The following USP8 variants were observed in gnomAD, a reference collection of about 807,000 sequenced individuals.
USP8 encodes the protein ubiquitin specific peptidase 8, also known as ubiquitin carboxyl-terminal hydrolase 8.
In USP8, 27 loss-of-function variants were observed where a neutral mutation model predicts 130.0. The observed-to-expected ratio is 0.21, with a 90% CI of 0.15 to 0.29. The LOEUF is 0.29. USP8 is among the 10% of genes least tolerant of loss of function. USP8 has a pLI of 1.00. For missense variants in USP8, 1,029 were observed against 1,312.2 expected, an observed-to-expected ratio of 0.78 and a Z score of 3.33; for synonymous variants, 392 against 444.1, an observed-to-expected ratio of 0.88 and a Z score of 1.48.
At position 50,459,021 on chromosome 15, in the gene USP8, G is replaced by GA. The variant is rs769447127; in HGVS notation, c.363dup (p.Leu122ThrfsTer2). ...CTAGATATGAAGAAGCTGAAGTCCG[G>GA]AAAAAACTTGAGGAAAAAGACAGGC... On this transcript the variant is annotated frameshift_variant, in exon 5 of 20. Coordinates refer to ENST00000307179, the MANE Select transcript of USP8 (RefSeq NM_005154.5). LOFTEE classifies it high-confidence loss of function. 1 of 1,613,268 alleles carries GA rather than the reference G, an allele frequency of 6.2e-7. No homozygotes were observed. The highest frequency in any genetic ancestry group is 8.5e-7 in the Non-Finnish European group (1 of 1,179,996).
In USP8 at chr15:50,424,499, C is replaced by T. The variant is rs913099692; in HGVS notation, c.-81C>T. 2.3e-5 allele frequency: 9 copies of T among 398,692 alleles called. No individual in the cohort carries two copies. The highest frequency in any genetic ancestry group is 1.4e-4 in the East Asian group (4 of 28,082). 24.7% of individuals were successfully genotyped at this position (398,692 alleles called of 1,614,324 possible). A position where few individuals can be genotyped will look rare whatever the true frequency, so the allele number is the denominator to read the frequency against. ...GGCGAGAAGGCTGGCGTTAGTGAAGCGCGCCCGGCGTCACGGTGAGTGCGG... is the reference window on the plus strand; with the variant it reads ...GGCGAGAAGGCTGGCGTTAGTGAAGTGCGCCCGGCGTCACGGTGAGTGCGG... On this transcript the variant is annotated 5_prime_UTR_variant, in exon 1 of 20. Transcript: ENST00000307179.
chr15:50,457,672 G>A (rs995911079), intron 4 of USP8, among the ~76,000 whole-genome samples: 1 of 151,370 alleles, frequency 6.6e-6, no homozygotes, highest in African/African-American at 2.4e-5. Flanking sequence ...AGACAAGCCT[G>A]GCCACATGGT....
Position 50,501,749 on chromosome 15 carries a change from G to C in USP8, c.*2661G>C, listed in dbSNP as rs2052592201. The stretch of plus-strand genomic sequence containing the variant: ...CTTCCAAGGAGGTGTTATGGTGTAT[G>C]ATAAGGGTCAGCAAACCACGGCCCG... On this transcript the variant is annotated 3_prime_UTR_variant, in exon 20 of 20. Coordinates refer to ENST00000307179, the MANE Select transcript of USP8 (RefSeq NM_005154.5). The C allele has an allele frequency of 6.6e-6, 1 of 152,116 alleles. No homozygotes were observed. Among genetic ancestry groups the C allele is most frequent in the Non-Finnish European group, 1.5e-5 (1 of 68,014 alleles). The allele number at this position is 152,116 out of a possible 1,614,324, so 9.4% of individuals were successfully genotyped here.
At chr15:50,461,154 G>A (rs909866641) in intron 5 of USP8, among the ~76,000 whole-genome samples, 9 of 152,112 alleles carry the variant, frequency 5.9e-5, no homozygotes, top group African/African-American at 1.4e-4. Context: ...CACCACGCCC[G>A]GCTAATTTTA....
chr15:50,445,357 C>T (rs941621637), intron 3 of USP8, among the ~76,000 whole-genome samples: 35 of 147,954 alleles, frequency 2.4e-4, no homozygotes, highest in African/African-American at 8.2e-4. Flanking sequence ...ACCAGCCTGG[C>T]CAACATGGTG....
At chr15:50,452,197 C>A (rs1432682687) in intron 4 of USP8, among the ~76,000 whole-genome samples, 2 of 152,198 alleles carry the variant, frequency 1.3e-5, no homozygotes, top group East Asian at 3.8e-4. Flanking sequence ...TTATTATTAT[C>A]TTTTTTCATG....
Position 50,477,328 on chromosome 15 carries a change from C to G in USP8, c.1047C>G (p.Ala349=), listed in dbSNP as rs777713245. The G allele has an allele frequency of 1.9e-6, 3 of 1,613,952 alleles. No individual in the cohort carries two copies. The highest frequency in any genetic ancestry group is 1.7e-5 in the Admixed American group (1 of 59,986). Residue 349 remains alanine, a synonymous_variant, in exon 10 of 20, where the codon GCC becomes GCG. Coordinates refer to ENST00000307179, the MANE Select transcript of USP8 (RefSeq NM_005154.5). The part of the protein sequence containing the change: ...LEESIPSKPA[A]QTPPASIEVD... ...AATCAATTCCTTCTAAACCTGCTGC[C>G]CAGACGCCACCTGCATCTATAGAAG...
At chr15:50,490,115 C>G (rs1477974108) in intron 13 of USP8, 148 bp from the exon 14 acceptor site, 6 of 968,836 alleles carry the variant, frequency 6.2e-6, no homozygotes, top group Non-Finnish European at 9.1e-6. Context: ...ACTTTAAAAC[C>G]TAAATTTCTT....
At chr15:50,467,003 C>A in intron 7 of USP8, 1 of 515,376 alleles carries the variant, frequency 1.9e-6, no homozygotes, top group South Asian at 2.5e-5. Context: ...ACAAACAACT[C>A]ATTGACTTGC....
intron 5 of USP8, 72 bp from the exon 6 acceptor site, chr15:50,462,208 G>A (rs1440869865): frequency 1.5e-6 from 2 of 1,300,236 alleles, no homozygotes; most frequent in East Asian, 2.4e-5. Flanking sequence ...TTTAAGAGAA[G>A]TAAATGAAGT....
chr15:50,474,647 G>C (rs767062585), intron 8 of USP8, among the ~76,000 whole-genome samples: 1 of 152,206 alleles, frequency 6.6e-6, no homozygotes, highest in East Asian at 1.9e-4. Context: ...CAACTGCCCA[G>C]CCAGTAAATA....
intron 16 of USP8, 25 bp downstream of exon 16, chr15:50,494,305 T>G (rs1188605280): frequency 3.2e-6 from 5 of 1,578,364 alleles, no homozygotes; most frequent in Non-Finnish European, 3.4e-6. Flanking sequence ...TTTTCTAAGT[T>G]GCAGAGACTC....
chr15:50,465,131 A>G lies in USP8; in HGVS notation c.626A>G (p.Asp209Gly). ...ATAATGGATGCTCGAAGAATGCAGGATTATCAGGATTCCTGTATTTTACAT... is the reference window on the plus strand; with the variant it reads ...ATAATGGATGCTCGAAGAATGCAGGGTTATCAGGATTCCTGTATTTTACAT... ...LIIMDARRMQ[D>G]YQDSCILHSL... Residue 209 changes from aspartate to glycine, a missense_variant, in exon 7 of 20, where the codon GAT (aspartate) becomes GGT (glycine). Transcript: ENST00000307179. 1 of 1,614,008 alleles carries G rather than the reference A, an allele frequency of 6.2e-7. No individual in the cohort carries two copies. The highest frequency in any genetic ancestry group is 8.5e-7 in the Non-Finnish European group (1 of 1,179,906).
At position 50,508,553 on chromosome 15, in the gene USP8, T is replaced by C. The variant is rs1222676293; in HGVS notation, c.*9465T>C. On this transcript the variant is annotated 3_prime_UTR_variant, in exon 20 of 20. Transcript: ENST00000307179. ...GACTGAGTGTTAATACACTGGACACTCAGTTTAAAACATTAAAACATAACA... is the reference window on the plus strand; with the variant it reads ...GACTGAGTGTTAATACACTGGACACCCAGTTTAAAACATTAAAACATAACA... The C allele has an allele frequency of 6.6e-6, 1 of 152,124 alleles. No homozygotes were observed. Among genetic ancestry groups the C allele is most frequent in the Non-Finnish European group, 1.5e-5 (1 of 68,038 alleles). 9.4% of individuals were successfully genotyped at this position (152,124 alleles called of 1,614,324 possible). A position where few individuals can be genotyped will look rare whatever the true frequency, so the allele number is the denominator to read the frequency against.
At chr15:50,480,487 A>G (rs562561447) in intron 10 of USP8, among the ~76,000 whole-genome samples, 3 of 152,204 alleles carry the variant, frequency 2.0e-5, no homozygotes, top group Non-Finnish European at 4.4e-5. Flanking sequence ...GTATTATAAG[A>G]GCATGTATCA....
intron 18 of USP8, chr15:50,498,286 A>G: frequency 4.6e-6 from 1 of 215,900 alleles, no homozygotes; most frequent in South Asian, 1.7e-4. Context: ...TCAGCATTAT[A>G]AACATGTGGG....
At chr15:50,494,039 T>TTGTC in intron 15 of USP8, 31 bp from the exon 16 acceptor site, 2 of 1,590,556 alleles carry the variant, frequency 1.3e-6, no homozygotes, top group Non-Finnish European at 8.5e-7. Context: ...ATTTCCTTTA[T>TTGTC]TGTCTTTTGT....
rs1008426645 is a variant in USP8, at chr15:50,510,360, T to C, written c.*11272T>C. ...ACAGAAAAGGACTAACTAGAAAAGA[T>C]TGATGTTCCAACCAAATTAAAACTT... On this transcript the variant is annotated 3_prime_UTR_variant, in exon 20 of 20. Transcript: ENST00000307179. 1 of 152,146 alleles carries C rather than the reference T, an allele frequency of 6.6e-6. No individual in the cohort carries two copies. Among genetic ancestry groups the C allele is most frequent in the Non-Finnish European group, 1.5e-5 (1 of 68,024 alleles). The allele number at this position is 152,146 out of a possible 1,614,324, so 9.4% of individuals were successfully genotyped here.
chr15:50,461,281 C>G (rs1006939125), intron 5 of USP8, among the ~76,000 whole-genome samples: 1 of 151,882 alleles, frequency 6.6e-6, no homozygotes, highest in Non-Finnish European at 1.5e-5. Flanking sequence ...CGTCAGCCAC[C>G]GTGCCTGGCC....
Sources: allele counts gnomAD v4.1 joint callset (sites outside exome capture counted in the v4.1 genomes callset), GRCh38; gene constraint gnomAD v4.1.1; transcripts MANE v1.5; gene names NCBI Gene and HGNC (gene_info 2026-07-23, HGNC 2026-07-21).